The following MYRIP variants were observed in gnomAD, a reference collection of about 807,000 sequenced individuals.
The protein encoded by MYRIP is rab effector MyRIP.
A neutral mutation model predicts 98.0 loss-of-function variants in MYRIP; 49 were observed. That is an observed-to-expected ratio of 0.50 (90% confidence interval 0.40 to 0.63). MYRIP has a LOEUF of 0.63. Ranked by LOEUF, MYRIP falls within the 30% of genes least tolerant of loss-of-function variation. The pLI is 0.00. For synonymous variants in MYRIP, 404 were observed against 409.5 expected (o/e 0.99, Z 0.16); for missense variants, 1,004 against 1,058.2 (o/e 0.95, Z 0.71).
At chr3:39,902,792 C>T (rs898042169) in intron 2 of MYRIP, among the ~76,000 whole-genome samples, 6 of 152,154 alleles carry the variant, frequency 3.9e-5, no homozygotes, top group African/African-American at 1.2e-4. Context: ...TGTGGAAGAG[C>T]AGCTTTAGGG....
chr3:39,995,649 A>C (rs1028011002), intron 2 of MYRIP, among the ~76,000 whole-genome samples: 1 of 152,244 alleles, frequency 6.6e-6, no homozygotes. Flanking sequence ...CAATCTAGCA[A>C]GGCAGGCCAA....
intron 3 of MYRIP, among the ~76,000 whole-genome samples, chr3:40,117,096 AC>A (rs1278268148): frequency 1.2e-4 from 19 of 152,218 alleles, no homozygotes; most frequent in African/African-American, 3.9e-4. Context: ...CGGTGAGGCC[AC>A]ATCTGCCTTT....
chr3:40,088,200 G>A (rs112307515), intron 3 of MYRIP, among the ~76,000 whole-genome samples: 3 of 152,084 alleles, frequency 2.0e-5, no homozygotes, highest in South Asian at 4.1e-4. Flanking sequence ...GGGGAGGGGG[G>A]ACAGATGTTG....
intron 8 of MYRIP, 125 bp from the exon 9 acceptor site, chr3:40,182,095 A>G: frequency 9.4e-7 from 1 of 1,062,212 alleles, no homozygotes; most frequent in East Asian, 2.7e-5. Context: ...GCTCACGTGA[A>G]AAGAGCCATT....
intron 11 of MYRIP, among the ~76,000 whole-genome samples, chr3:40,221,722 C>G (rs949353716): frequency 1.3e-5 from 2 of 152,202 alleles, no homozygotes; most frequent in Admixed American, 6.5e-5. Flanking sequence ...ATATTAGAGT[C>G]TGATAACTTG....
At position 39,890,636 on chromosome 3, in the gene MYRIP, A is replaced by ATTT. The variant is rs35017704; in HGVS notation, c.-30-10136_-30-10134dup. On this transcript the variant is annotated intron_variant, in intron 1 of 16. Transcript: ENST00000302541. The stretch of plus-strand genomic sequence containing the variant: ...TAGGGGCTGTGGTCCAGGTTAGCTG[A>ATTT]TTTTTTTTTTTTTTTTTAATATTTG... Among the ~76,000 whole-genome samples the ATTT allele has an allele frequency of 7.0e-3, 970 of 138,514 alleles. 13 individuals are homozygous for ATTT. Among genetic ancestry groups the ATTT allele is most frequent in the African/African-American group, 0.025 (930 of 37,930 alleles). 90.9% of individuals were successfully genotyped at this position (138,514 alleles called of 152,430 possible).
At chr3:39,833,351 A>G (rs1304467897) in intron 1 of MYRIP, among the ~76,000 whole-genome samples, 4 of 152,214 alleles carry the variant, frequency 2.6e-5, no homozygotes, top group Non-Finnish European at 5.9e-5. Context: ...AAAAATCACA[A>G]AAGAATGAGA....
In MYRIP at chr3:40,162,758, G is replaced by C; in HGVS notation, c.498G>C (p.Glu166Asp). 1 of 1,614,124 alleles carries C rather than the reference G, an allele frequency of 6.2e-7. No homozygotes were observed. The highest frequency in any genetic ancestry group is 8.5e-7 in the Non-Finnish European group (1 of 1,179,988). The change falls in exon 5 of 17, where the codon GAG becomes GAC. Residue 166 changes from glutamate to aspartate, a missense_variant. Transcript: ENST00000302541. ...LGGSLFESNL[E>D]NEGSISGSDS... The stretch of plus-strand genomic sequence containing the variant: ...GAAGCCTTTTTGAGTCAAACCTGGA[G>C]AATGAAGGAAGCATTTCTGGCAGTG...
intron 2 of MYRIP, among the ~76,000 whole-genome samples, chr3:39,929,486 T>G (rs1944491674): frequency 1.3e-5 from 2 of 152,084 alleles, no homozygotes; most frequent in African/African-American, 4.8e-5. Context: ...AGACATTGTA[T>G]AGCTACAGTA....
intron 1 of MYRIP, among the ~76,000 whole-genome samples, chr3:39,871,589 G>T (rs1327174720): frequency 6.6e-6 from 1 of 152,026 alleles, no homozygotes; most frequent in Non-Finnish European, 1.5e-5. Context: ...CTCAATTAAA[G>T]AAGAGAAAAT....
chr3:40,258,155 G>C lies in MYRIP; in HGVS notation c.2569G>C (p.Val857Leu). The C allele has an allele frequency of 1.9e-6, 3 of 1,613,904 alleles. No individual in the cohort carries two copies. Among genetic ancestry groups the C allele is most frequent in the Non-Finnish European group, 2.5e-6 (3 of 1,179,744 alleles). ...DLMEPALESA[V>L]MY ...TCAGGAGCCTGCTCTGGAGTCAGCTGTGATGTACTGACACCATGGAATTCC... is the reference window on the plus strand; with the variant it reads ...TCAGGAGCCTGCTCTGGAGTCAGCTCTGATGTACTGACACCATGGAATTCC... Residue 857 changes from valine to leucine, a missense_variant, in exon 17 of 17, where the codon GTG (valine) becomes CTG (leucine). Val to Leu is a conservative substitution (Grantham distance 32, BLOSUM62 1). Transcript: ENST00000302541.
chr3:39,977,556 G>A (rs1176678373), intron 2 of MYRIP, among the ~76,000 whole-genome samples: 5 of 152,162 alleles, frequency 3.3e-5, no homozygotes, highest in African/African-American at 4.8e-5. Flanking sequence ...CCACAGGATG[G>A]ATGTACTGTC....
intron 2 of MYRIP, among the ~76,000 whole-genome samples, chr3:39,957,177 TA>T (rs1308622577): frequency 6.6e-6 from 1 of 151,796 alleles, no homozygotes; most frequent in Non-Finnish European, 1.5e-5. Flanking sequence ...TAACTCATTT[TA>T]TGAGGCCAGC....
At chr3:40,027,273 C>A (rs1373887297) in intron 2 of MYRIP, among the ~76,000 whole-genome samples, 1 of 152,094 alleles carries the variant, frequency 6.6e-6, no homozygotes, top group East Asian at 1.9e-4. Context: ...TGACTCCTGC[C>A]CAGCCCAAAC....
intron 3 of MYRIP, among the ~76,000 whole-genome samples, chr3:40,125,643 T>C (rs1316241888): frequency 2.0e-5 from 3 of 152,198 alleles, no homozygotes; most frequent in Non-Finnish European, 4.4e-5. Flanking sequence ...TTGGTCATCT[T>C]ATGCCTCCTT....
At chr3:40,132,116 C>CT (rs1949657031) in intron 3 of MYRIP, among the ~76,000 whole-genome samples, 1 of 151,874 alleles carries the variant, frequency 6.6e-6, no homozygotes, top group Non-Finnish European at 1.5e-5. Context: ...TTCTGAATGC[C>CT]TTCCCAGAGC....
At chr3:39,925,305 C>A (rs1013421053) in intron 2 of MYRIP, among the ~76,000 whole-genome samples, 24 of 151,766 alleles carry the variant, frequency 1.6e-4, no homozygotes, top group African/African-American at 5.8e-4. Flanking sequence ...AATAATAAAG[C>A]GAATATGATG....
intron 3 of MYRIP, among the ~76,000 whole-genome samples, chr3:40,082,429 T>C (rs969537709): frequency 1.3e-5 from 2 of 152,220 alleles, no homozygotes; most frequent in African/African-American, 4.8e-5. Flanking sequence ...ATTCAATTGA[T>C]CACATTCAAA....
chr3:39,989,225 ATTG>A (rs1946110018), intron 2 of MYRIP, among the ~76,000 whole-genome samples: 1 of 151,634 alleles, frequency 6.6e-6, no homozygotes, highest in East Asian at 1.9e-4. Flanking sequence ...TGTTGATGCT[ATTG>A]TTGTTGTTGC....
Sources: gnomAD v4.1 joint callset for allele counts (sites outside exome capture counted in the v4.1 genomes callset) on GRCh38, gnomAD v4.1.1 for gene constraint, MANE v1.5 for transcripts, NCBI Gene and HGNC (gene_info 2026-07-23, HGNC 2026-07-21) for gene names.